The following PITPNB variants were observed in gnomAD, a reference collection of about 807,000 sequenced individuals.
PITPNB encodes the protein phosphatidylinositol transfer protein beta isoform.
PITPNB carries 16 observed loss-of-function variants against 45.9 expected under a neutral mutation model. That is an observed-to-expected ratio of 0.35 (90% CI 0.24 to 0.53). PITPNB has a LOEUF of 0.53. PITPNB is among the 20% of genes least tolerant of loss of function. The pLI, the probability that PITPNB is intolerant of heterozygous loss-of-function variation, is 0.93. For missense variants in PITPNB, 188 were observed against 330.5 expected, an observed-to-expected ratio of 0.57 and a Z score of 3.34; for synonymous variants, 112 against 108.9, an observed-to-expected ratio of 1.03 and a Z score of -0.18.
rs779727596 is a variant in PITPNB, at chr22:27,919,233, G to A, written c.-42C>T. On this transcript the variant is annotated 5_prime_UTR_variant, in exon 1 of 12. Transcript: ENST00000335272. ...CACAGCTGCCGCCGATACCACCGCC[G>A]CCGCCGCCGCTACCGCCTCTCACAG... 19 of 1,547,344 alleles carry A rather than the reference G, an allele frequency of 1.2e-5. 1 individual carries two copies. The highest frequency in any genetic ancestry group is 6.7e-5 in the South Asian group (6 of 89,876).
At chr22:27,864,343 T>G (rs994349257) in intron 8 of PITPNB, among the ~76,000 whole-genome samples, 3 of 152,198 alleles carry the variant, frequency 2.0e-5, no homozygotes, top group African/African-American at 7.2e-5. Flanking sequence ...TGAAAATGTC[T>G]GAATGTCGTA....
intron 2 of PITPNB, among the ~76,000 whole-genome samples, chr22:27,911,578 G>C (rs898934813): frequency 6.6e-6 from 1 of 152,156 alleles, no homozygotes; most frequent in Non-Finnish European, 1.5e-5. Context: ...ATAAAGGGGA[G>C]GGATGTAAAC....
At chr22:27,896,678 T>C (rs1264698355) in intron 5 of PITPNB, 52 bp from the exon 6 acceptor site, 1 of 1,235,438 alleles carries the variant, frequency 8.1e-7, no homozygotes, top group Non-Finnish European at 1.2e-6. Context: ...TGTTCCTTGG[T>C]GCCCACGTCT....
At chr22:27,874,720 G>A (rs1439602639) in intron 7 of PITPNB, among the ~76,000 whole-genome samples, 2 of 152,210 alleles carry the variant, frequency 1.3e-5, no homozygotes, top group Non-Finnish European at 2.9e-5. Context: ...AGAGAGACTT[G>A]CAACAATAAC....
chr22:27,919,095 A>G (rs1326187304), intron 1 of PITPNB, 77 bp downstream of exon 1: 1 of 1,611,220 alleles, frequency 6.2e-7, no homozygotes, highest in Non-Finnish European at 8.5e-7. Flanking sequence ...ATTTAGGAAT[A>G]TCCTACCACT....
chr22:27,882,391 T>A (rs935895486), intron 7 of PITPNB, among the ~76,000 whole-genome samples: 1 of 152,154 alleles, frequency 6.6e-6, no homozygotes, highest in Non-Finnish European at 1.5e-5. Flanking sequence ...CAAAGGCAAC[T>A]GAAATTTCAA....
chr22:27,880,555 G>A (rs1181766718), intron 7 of PITPNB, among the ~76,000 whole-genome samples: 1 of 151,642 alleles, frequency 6.6e-6, no homozygotes, highest in East Asian at 1.9e-4. Flanking sequence ...GAAGAAATTA[G>A]GAATAAACCT....
chr22:27,901,926 T>C (rs1321257269), intron 3 of PITPNB, among the ~76,000 whole-genome samples: 1 of 151,850 alleles, frequency 6.6e-6, no homozygotes, highest in Non-Finnish European at 1.5e-5. Flanking sequence ...ATACATAAAA[T>C]ACTGGGTACC....
intron 3 of PITPNB, among the ~76,000 whole-genome samples, chr22:27,905,396 C>T (rs1028413789): frequency 4.6e-5 from 7 of 152,182 alleles, no homozygotes; most frequent in Non-Finnish European, 7.3e-5. Flanking sequence ...ATAATCCACC[C>T]GCCTTGGCCT....
intron 8 of PITPNB, chr22:27,860,594 A>G (rs544767102): frequency 1.1e-3 from 176 of 164,368 alleles, no homozygotes; most frequent in African/African-American, 4.1e-3. Context: ...CCGCACTCCC[A>G]CTGTGGATGT....
Position 27,892,058 on chromosome 22 carries a change from G to A in PITPNB, c.456+2497C>T, listed in dbSNP as rs1028363. 7.8e-4 allele frequency among the ~76,000 whole-genome samples: 119 copies of A among 152,258 alleles called. No homozygotes were observed. In the East Asian group the frequency reaches 0.02, roughly 26 times the overall value. ...CTCACAACACAGATCCTCCTCACTT[G>A]GGCTCAATCCAGTCTTTTTCACTAG... On this transcript the variant is annotated intron_variant, in intron 7 of 11. Transcript: ENST00000335272.
chr22:27,888,366 A>G (rs1419088757), intron 7 of PITPNB, among the ~76,000 whole-genome samples: 2 of 152,242 alleles, frequency 1.3e-5, no homozygotes, highest in Non-Finnish European at 2.9e-5. Flanking sequence ...TGCTGGGTCA[A>G]CAGGCTATGT....
At chr22:27,902,997 C>G (rs1935646038) in intron 3 of PITPNB, among the ~76,000 whole-genome samples, 1 of 152,144 alleles carries the variant, frequency 6.6e-6, no homozygotes. Context: ...TCTTAGGTAG[C>G]TGGGACTATA....
chr22:27,873,714 G>A (rs1449933681), intron 8 of PITPNB, 24 bp downstream of exon 8: 1 of 1,460,766 alleles, frequency 6.8e-7, no homozygotes, highest in Non-Finnish European at 9.6e-7. Context: ...GACTCTGCCT[G>A]TCAGAAAGGT....
intron 1 of PITPNB, 128 bp from the exon 2 acceptor site, chr22:27,914,475 G>T (rs1936022402): frequency 1.7e-6 from 1 of 585,654 alleles, no homozygotes; most frequent in East Asian, 3.1e-5. Context: ...AAATACAAGG[G>T]TGTCATTTAT....
At chr22:27,912,875 G>C (rs1251320768) in intron 2 of PITPNB, among the ~76,000 whole-genome samples, 1 of 151,352 alleles carries the variant, frequency 6.6e-6, no homozygotes, top group Non-Finnish European at 1.5e-5. Context: ...CCAGCTACTA[G>C]GGAGGCTGAG....
chr22:27,874,241 A>G (rs1301355365), intron 7 of PITPNB, among the ~76,000 whole-genome samples: 1 of 152,232 alleles, frequency 6.6e-6, no homozygotes, highest in Non-Finnish European at 1.5e-5. Context: ...CAGAGCAACT[A>G]CTGTGGCTGG....
At chr22:27,895,616 C>T (rs751467286) in intron 6 of PITPNB, among the ~76,000 whole-genome samples, 5 of 151,396 alleles carry the variant, frequency 3.3e-5, no homozygotes, top group Non-Finnish European at 5.9e-5. Flanking sequence ...AGAAAAACAA[C>T]ATAAAATGTC....
Position 27,896,556 on chromosome 22 carries a change from T to G in PITPNB, c.368A>C (p.Glu123Ala). The change falls in exon 6 of 12, where the codon GAA becomes GCA. Residue 123 changes from glutamate (E) to alanine (A), a missense_variant. Transcript: ENST00000335272. ...AAGTGCAGAGTTGAAACTTACATTT[T>G]CTAATGTTCCCAAGTCTGGTTTGTG... is the stretch of plus-strand genomic sequence containing the variant. ...TWHKPDLGTLENVHGLDPNTW... is the reference protein window; with the variant it reads ...TWHKPDLGTLANVHGLDPNTW... 2 of 1,604,882 alleles carry G rather than the reference T, an allele frequency of 1.2e-6. No homozygotes were observed. Among genetic ancestry groups the G allele is most frequent in the Non-Finnish European group, 1.7e-6 (2 of 1,171,498 alleles).
Sources: gnomAD v4.1 joint callset for allele counts (sites outside exome capture counted in the v4.1 genomes callset) on GRCh38, gnomAD v4.1.1 for gene constraint, MANE v1.5 for transcripts, NCBI Gene and HGNC (gene_info 2026-07-23, HGNC 2026-07-21) for gene names.